CADM2: variants seen among roughly 807,000 people sequenced by gnomAD.
CADM2 encodes cell adhesion molecule 2.
CADM2 carries 12 observed loss-of-function variants against 49.8 expected under a neutral mutation model. The observed-to-expected ratio is 0.24, with a 90% confidence interval of 0.15 to 0.39. The LOEUF (loss-of-function observed/expected upper bound fraction) is 0.39. CADM2 is among the 10% of genes least tolerant of loss of function. The pLI is 1.00. For missense variants in CADM2, 378 were observed against 492.3 expected, an observed-to-expected ratio of 0.77 and a Z score of 2.20; for synonymous variants, 214 against 175.4, an observed-to-expected ratio of 1.22 and a Z score of -1.74.
intron 1 of CADM2, among the ~76,000 whole-genome samples, chr3:85,325,489 A>G (rs1576352184): frequency 6.6e-6 from 1 of 152,126 alleles, no homozygotes; most frequent in South Asian, 2.1e-4. Flanking sequence ...AGGCAGGCGG[A>G]TCATGAGGTC....
chr3:86,023,169 C>G (rs1334256242), intron 8 of CADM2, among the ~76,000 whole-genome samples: 1 of 152,030 alleles, frequency 6.6e-6, no homozygotes, highest in African/African-American at 2.4e-5. Flanking sequence ...ACATTGAAAA[C>G]AATACTAGCA....
chr3:85,474,633 T>C (rs62250718), intron 1 of CADM2, among the ~76,000 whole-genome samples: 21,374 of 151,876 alleles, frequency 0.14, 1,872 homozygotes, highest in East Asian at 0.29. Context: ...ATTACATGTT[T>C]GAAACATGAT....
At chr3:85,156,982 T>A (rs2040149886) in intron 1 of CADM2, among the ~76,000 whole-genome samples, 1 of 152,138 alleles carries the variant, frequency 6.6e-6, no homozygotes, top group Non-Finnish European at 1.5e-5. Flanking sequence ...ATAAGCAACT[T>A]CAGCAAAGTC....
At chr3:85,291,026 G>C (rs561988904) in intron 1 of CADM2, among the ~76,000 whole-genome samples, 23 of 152,280 alleles carry the variant, frequency 1.5e-4, no homozygotes, top group African/African-American at 5.3e-4. Context: ...AGGCAAAGAA[G>C]TTGAAAACTT....
At chr3:85,597,729 C>G (rs1316816268) in intron 1 of CADM2, among the ~76,000 whole-genome samples, 1 of 151,996 alleles carries the variant, frequency 6.6e-6, no homozygotes, top group Non-Finnish European at 1.5e-5. Context: ...ATTGGAAAGT[C>G]TTATTAAACT....
At chr3:86,065,420 T>C (rs904412070) in intron 8 of CADM2, among the ~76,000 whole-genome samples, 185 bp from the exon 9 acceptor site, 17 of 152,240 alleles carry the variant, frequency 1.1e-4, no homozygotes, top group Non-Finnish European at 2.2e-4. Context: ...GATTGATATA[T>C]CAAATGTTAT....
chr3:86,012,906 C>T (rs1242691445), intron 8 of CADM2: 7 of 592,352 alleles, frequency 1.2e-5, no homozygotes, highest in Admixed American at 7.1e-5. Flanking sequence ...ACCCGGGAGG[C>T]GGAGCTTGCA....
intron 1 of CADM2, among the ~76,000 whole-genome samples, chr3:85,329,020 G>T (rs1201722257): frequency 6.6e-6 from 1 of 151,934 alleles, no homozygotes; most frequent in Admixed American, 6.6e-5. Context: ...AAGAGGATTA[G>T]CCCTCATCCA....
At chr3:85,320,580 A>G (rs934507319) in intron 1 of CADM2, among the ~76,000 whole-genome samples, 1 of 152,178 alleles carries the variant, frequency 6.6e-6, no homozygotes, top group Admixed American at 6.5e-5. Context: ...ACAGGCCAAC[A>G]GACTTTCACT....
chr3:85,591,343 G>A (rs1353316569), intron 1 of CADM2, among the ~76,000 whole-genome samples: 1 of 151,934 alleles, frequency 6.6e-6, no homozygotes, highest in African/African-American at 2.4e-5. Flanking sequence ...TATTTAAAAT[G>A]CAAATATTAT....
intron 1 of CADM2, among the ~76,000 whole-genome samples, chr3:85,504,578 T>C (rs1170337917): frequency 6.6e-6 from 1 of 152,164 alleles, no homozygotes; most frequent in Non-Finnish European, 1.5e-5. Context: ...AGCTTCTCCA[T>C]GTCCCCATCA....
intron 1 of CADM2, among the ~76,000 whole-genome samples, chr3:85,501,299 T>C (rs138003055): frequency 6.6e-6 from 1 of 152,300 alleles, no homozygotes; most frequent in East Asian, 1.9e-4. Flanking sequence ...CCTTAAATAT[T>C]AGAGAAAAGA....
chr3:85,206,294 CT>C (rs1238344402), intron 1 of CADM2, among the ~76,000 whole-genome samples: 322 of 139,672 alleles, frequency 2.3e-3, no homozygotes, highest in Middle Eastern at 7.8e-3. Context: ...GAATTTAGGT[CT>C]TTTTTTTTTT....
chr3:85,323,779 C>A (rs57202752), intron 1 of CADM2, among the ~76,000 whole-genome samples: 12,037 of 152,168 alleles, frequency 0.079, 908 homozygotes, highest in African/African-American at 0.2. Context: ...CAGTGTCATA[C>A]CTTGTTTTCT....
At chr3:85,409,218 A>AT (rs1356575150) in intron 1 of CADM2, among the ~76,000 whole-genome samples, 1 of 151,880 alleles carries the variant, frequency 6.6e-6, no homozygotes, top group Non-Finnish European at 1.5e-5. Flanking sequence ...TTATGTGCTG[A>AT]TTTTTCTCAT....
At chr3:85,161,894 A>G (rs2107669008) in intron 1 of CADM2, among the ~76,000 whole-genome samples, 1 of 152,096 alleles carries the variant, frequency 6.6e-6, no homozygotes, top group South Asian at 2.1e-4. Context: ...GCAGTCGCCT[A>G]TAATCCCACC....
chr3:84,962,864 T>G (rs17022119), intron 1 of CADM2, among the ~76,000 whole-genome samples: 12,240 of 152,238 alleles, frequency 0.08, 686 homozygotes, highest in Admixed American at 0.19. Context: ...TGACTGTATT[T>G]TATATTATCA....
intron 1 of CADM2, among the ~76,000 whole-genome samples, chr3:84,961,655 C>T (rs2030535003): frequency 1.3e-5 from 2 of 151,744 alleles, no homozygotes; most frequent in African/African-American, 4.8e-5. Flanking sequence ...CGCGCGCCGG[C>T]GTGTGCCGTG....
chr3:85,777,937 A>C (rs1016409215), intron 2 of CADM2, among the ~76,000 whole-genome samples: 3 of 152,320 alleles, frequency 2.0e-5, no homozygotes, highest in Non-Finnish European at 4.4e-5. Flanking sequence ...TAATATGCAT[A>C]GGTATACAAA....
Sources: allele counts gnomAD v4.1 joint callset (sites outside exome capture counted in the v4.1 genomes callset), GRCh38; gene constraint gnomAD v4.1.1; transcripts MANE v1.5; gene names NCBI Gene and HGNC (gene_info 2026-07-23, HGNC 2026-07-21).